STXBP2: variants seen among roughly 807,000 people sequenced by gnomAD.
The protein encoded by STXBP2 is syntaxin-binding protein 2.
In STXBP2, 47 loss-of-function variants were observed where a neutral mutation model predicts 72.2. The observed-to-expected ratio is 0.65, with a 90% confidence interval of 0.51 to 0.83. The LOEUF (loss-of-function observed/expected upper bound fraction) is 0.83. STXBP2 is among the 40% of genes least tolerant of loss of function. The pLI, the probability that STXBP2 is intolerant of heterozygous loss-of-function variation, is 0.00. For missense variants in STXBP2, 702 were observed against 807.6 expected (o/e 0.87, Z 1.58); for synonymous variants, 367 against 338.7 (o/e 1.08, Z -0.92).
intron 13 of STXBP2, among the ~76,000 whole-genome samples, chr19:7,644,007 G>A (rs575716869): frequency 2.1e-3 from 310 of 147,344 alleles, no homozygotes; most frequent in African/African-American, 7.5e-3. Flanking sequence ...TGGGTGAGGG[G>A]TGGAACCTCG....
the STXBP2 span, chr19:7,631,076 C>G: frequency 1.4e-6 from 1 of 733,992 alleles, no homozygotes. Context: ...GGCATGGTGG[C>G]AGGCGCCTAT....
Position 7,647,492 on chromosome 19 carries a change from C to T in STXBP2, c.1677C>T (p.Gly559=). 1 of 1,603,442 alleles carries T rather than the reference C, an allele frequency of 6.2e-7. No homozygotes were observed. The highest frequency in any genetic ancestry group is 8.5e-7 in the Non-Finnish European group (1 of 1,174,650). The change falls in exon 18 of 19, where the codon GGC becomes GGT. Residue 559 remains glycine (G), a synonymous_variant. Transcript: ENST00000221283. ...ACGAGGTGACCAGGGCCACCGAGGG[C>T]AAGTGGGAGGTGCTCATTGGTAAGT... is the stretch of plus-strand genomic sequence containing the variant. ...AAYEVTRATE[G]KWEVLIGSSH...
rs1555769166 is a variant in STXBP2 at position 7,639,772 on chromosome 19, CTG to C, written c.212_213del (p.Leu71ArgfsTer46). 4.3e-6 allele frequency: 7 copies of C among 1,613,832 alleles called. No individual in the cohort carries two copies. The highest frequency in any genetic ancestry group is 5.9e-6 in the Non-Finnish European group (7 of 1,179,996). ...CAAACGGCGGGAACCCATTCCCAGT[CTG>C]GAGGCCATTTATTTGCTGAGCCCCA... ...INKRREPIPS[L>X]EAIYLLSPTE... On this transcript the variant is annotated frameshift_variant, in exon 4 of 19. Coordinates refer to ENST00000221283, the MANE Select transcript of STXBP2 (RefSeq NM_006949.4). LOFTEE classifies it high-confidence loss of function.
intron 7 of STXBP2, 22 bp downstream of exon 7, chr19:7,641,875 A>G: frequency 5.3e-6 from 2 of 379,928 alleles, no homozygotes; most frequent in Non-Finnish European, 7.3e-6. Context: ...ACCCAGCCCC[A>G]CCCCGATGCC....
rs1321200154 is a variant in STXBP2 at position 7,640,792 on chromosome 19, A to G, written c.308A>G (p.His103Arg). The G allele has an allele frequency of 6.2e-7, 1 of 1,614,020 alleles. No homozygotes were observed. Among genetic ancestry groups the G allele is most frequent in the East Asian group, 2.2e-5 (1 of 44,888 alleles). The part of the protein sequence containing the change: ...GTPTFTYKAA[H>R]IFFTDTCPEP... ...CCGACTTTCACCTACAAAGCGGCCC[A>G]TATCTTCTTCACCGACAGTGAGTGA... Residue 103 changes from histidine to arginine, a missense_variant, in exon 5 of 19, where the codon CAT becomes CGT. His to Arg is a conservative substitution (Grantham distance 29). Coordinates refer to ENST00000221283, the MANE Select transcript of STXBP2 (RefSeq NM_006949.4).
intron 7 of STXBP2, 55 bp from the exon 8 acceptor site, chr19:7,641,979 C>G: frequency 1.9e-6 from 3 of 1,601,570 alleles, no homozygotes; most frequent in Non-Finnish European, 2.6e-6. Context: ...CACCTTCAAA[C>G]CCATCCTTGA....
chr19:7,640,625 G>T (rs763825196), intron 4 of STXBP2, 106 bp from the exon 5 acceptor site: 2 of 1,441,506 alleles, frequency 1.4e-6, no homozygotes, highest in African/African-American at 1.4e-5. Flanking sequence ...GTCCCCGTCC[G>T]TCCATGTTTG....
At chr19:7,640,358 G>A (rs1599393509) in intron 4 of STXBP2, 1 of 562,002 alleles carries the variant, frequency 1.8e-6, no homozygotes, top group East Asian at 4.1e-5. Flanking sequence ...GTCTGTGCAT[G>A]TGTGTATGCG....
intron 6 of STXBP2, among the ~76,000 whole-genome samples, chr19:7,641,498 C>A (rs1036286618): frequency 1.3e-5 from 2 of 152,190 alleles, no homozygotes; most frequent in African/African-American, 4.8e-5. Flanking sequence ...GGTTGTCCAG[C>A]CAGCTTAAGG....
At chr19:7,632,164 T>C (rs1052547361), upstream of STXBP2, 10 of 685,490 alleles carry the variant, frequency 1.5e-5, no homozygotes, top group Non-Finnish European at 2.1e-5. The surrounding 1 kb of genome is among the most constrained non-coding windows in gnomAD (Gnocchi z 5.2). Flanking sequence ...ACCTTCAGAC[T>C]TGGGGGCAGG....
chr19:7,640,728 C>T lies in STXBP2; in HGVS notation c.247-3C>T. 1.2e-6 allele frequency: 2 copies of T among 1,614,190 alleles called. No homozygotes were observed. The highest frequency in any genetic ancestry group is 1.1e-5 in the South Asian group (1 of 91,082). On this transcript the variant is annotated splice_polypyrimidine_tract_variant and splice_region_variant and intron_variant, in intron 4 of 18. Coordinates refer to ENST00000221283, the MANE Select transcript of STXBP2 (RefSeq NM_006949.4). The stretch of plus-strand genomic sequence containing the variant: ...GGCCCAGAGAGTGATCCACCTTCCC[C>T]AGTCGGTTCAGGCCCTGATCAAAGA...
chr19:7,646,947 G>C (rs917980516), intron 16 of STXBP2: 10 of 602,650 alleles, frequency 1.7e-5, no homozygotes, highest in African/African-American at 1.5e-4. Flanking sequence ...AGGAGTTATG[G>C]AATTAGATTC....
intron 4 of STXBP2, chr19:7,640,410 A>ATG (rs759196963): frequency 2.0e-4 from 104 of 527,278 alleles, no homozygotes; most frequent in African/African-American, 1.0e-4. Flanking sequence ...ATATGTGTGT[A>ATG]TGTATGTGTG....
At position 7,642,755 on chromosome 19, in the gene STXBP2, C is replaced by G. The variant is rs779914993; in HGVS notation, c.903-11C>G. ...CCCCTCACTCTCACCCCCGCCCACC[C>G]TCATGGCCAGGAAGGTCACGGAGCT... On this transcript the variant is annotated splice_polypyrimidine_tract_variant and intron_variant, in intron 10 of 18. Transcript: ENST00000221283. The surrounding 1 kb of genome is among the most constrained non-coding windows in gnomAD (Gnocchi z 6.0). 6.2e-6 allele frequency: 10 copies of G among 1,613,818 alleles called. No individual in the cohort carries two copies. The highest frequency in any genetic ancestry group is 8.5e-6 in the Non-Finnish European group (10 of 1,179,956).
chr19:7,636,968 G>T, upstream of STXBP2: 1 of 569,328 alleles, frequency 1.8e-6, no homozygotes. Flanking sequence ...GGACGCACCT[G>T]CCCGTCCTCC....
intron 16 of STXBP2, chr19:7,646,605 C>G (rs1461892372): frequency 1.8e-6 from 1 of 559,174 alleles, no homozygotes; most frequent in Admixed American, 2.8e-5. Flanking sequence ...GTCTGTTCCC[C>G]TGTCCCGCAG....
intron 13 of STXBP2, chr19:7,644,388 T>A (rs1461669743): frequency 3.4e-6 from 2 of 591,420 alleles, no homozygotes; most frequent in Non-Finnish European, 6.0e-6. Context: ...TGGTGTGACC[T>A]GTGTGTAGGT....
chr19:7,642,521 T>A lies in STXBP2; in HGVS notation c.887T>A (p.Ile296Asn), dbSNP rs2031933946. ...DLWVELRHMH[I>N]ADVSKKVTEL... ...TGGGTGGAGCTTCGCCACATGCATA[T>A]CGCAGATGTGTCCAAGTGCGTGCAC... Residue 296 changes from isoleucine to asparagine, a missense_variant, in exon 10 of 19, where the codon ATC becomes AAC. Physicochemically the swap from Ile to Asn is moderately radical, Grantham distance 149. Coordinates refer to ENST00000221283, the MANE Select transcript of STXBP2 (RefSeq NM_006949.4). The surrounding 1 kb of genome is among the most constrained non-coding windows in gnomAD (Gnocchi z 6.0). The A allele has an allele frequency of 6.2e-7, 1 of 1,613,928 alleles. No homozygotes were observed. The highest frequency in any genetic ancestry group is 1.7e-5 in the Admixed American group (1 of 60,004).
At chr19:7,641,067 C>A in intron 6 of STXBP2, 64 bp downstream of exon 6, 2 of 1,539,544 alleles carry the variant, frequency 1.3e-6, no homozygotes, top group Non-Finnish European at 8.9e-7. Context: ...CCTGTTCCCT[C>A]AGAAACAGAC....
Sources: gnomAD v4.1 joint callset for allele counts (sites outside exome capture counted in the v4.1 genomes callset) on GRCh38, gnomAD v4.1.1 for gene constraint, Gnocchi (gnomAD v3.1) non-coding constraint, MANE v1.5 for transcripts, NCBI Gene and HGNC (gene_info 2026-07-23, HGNC 2026-07-21) for gene names.